NBEA: variants seen among roughly 807,000 people sequenced by gnomAD.
The protein encoded by NBEA is neurobeachin.
A neutral mutation model predicts 343.4 loss-of-function variants in NBEA; 44 were observed. The observed-to-expected ratio is 0.13, with a 90% CI of 0.10 to 0.16. NBEA has a LOEUF of 0.16. Ranked by LOEUF, NBEA falls within the 10% of genes least tolerant of loss-of-function variation. The pLI, the probability that NBEA is intolerant of heterozygous loss-of-function variation, is 1.00. For synonymous variants in NBEA, 1,175 were observed against 1,238.7 expected, an observed-to-expected ratio of 0.95 and a Z score of 1.08; for missense variants, 2,555 against 3,631.3, an observed-to-expected ratio of 0.70 and a Z score of 7.62.
At chr13:35,178,455 A>C (rs866036449) in intron 28 of NBEA, among the ~76,000 whole-genome samples, 3 of 151,854 alleles carry the variant, frequency 2.0e-5, no homozygotes, top group Middle Eastern at 6.8e-3. Flanking sequence ...TTTTTGAAGG[A>C]AATTTAATGA....
Position 35,324,436 on chromosome 13 carries a change from T to C in NBEA, c.5903+14844T>C, listed in dbSNP as rs989270450. 2.0e-5 allele frequency among the ~76,000 whole-genome samples: 3 copies of C among 152,232 alleles called. 1 individual carries two copies. Among genetic ancestry groups the C allele is most frequent in the Non-Finnish European group, 4.4e-5 (3 of 68,032 alleles). ...TATTTCTTCTATAACATGTCTCTTA[T>C]AAAGATCCAGTCCCAGCCAAACAAG... On this transcript the variant is annotated intron_variant, in intron 36 of 58. Transcript: ENST00000379939.
At chr13:35,308,514 G>GTATA (rs1566597467) in intron 35 of NBEA, among the ~76,000 whole-genome samples, 1 of 111,568 alleles carries the variant, frequency 9.0e-6, no homozygotes, top group African/African-American at 3.7e-5. Flanking sequence ...ATATATATGT[G>GTATA]TATATATGTA....
At chr13:35,239,904 C>T (rs1217346332) in intron 34 of NBEA, among the ~76,000 whole-genome samples, 1 of 151,520 alleles carries the variant, frequency 6.6e-6, no homozygotes, top group Non-Finnish European at 1.5e-5. Flanking sequence ...TTTTGTGATA[C>T]CACAAAGCAA....
At chr13:35,256,465 G>A (rs1341222827) in intron 34 of NBEA, among the ~76,000 whole-genome samples, 2 of 152,200 alleles carry the variant, frequency 1.3e-5, no homozygotes, top group Non-Finnish European at 2.9e-5. Context: ...CCAGAACTGA[G>A]AGCCTGGTTC....
chr13:35,209,225 A>T (rs2073603705), intron 32 of NBEA, among the ~76,000 whole-genome samples: 1 of 152,188 alleles, frequency 6.6e-6, no homozygotes, highest in African/African-American at 2.4e-5. Flanking sequence ...AATGTTAGTG[A>T]CAGAAAGTAG....
intron 31 of NBEA, among the ~76,000 whole-genome samples, chr13:35,200,903 T>C (rs1190038955): frequency 6.6e-6 from 1 of 151,986 alleles, no homozygotes; most frequent in Non-Finnish European, 1.5e-5. Context: ...TTTTTAAAAA[T>C]ATTGAGTAGA....
chr13:35,503,408 A>T (rs1213200997), intron 41 of NBEA, among the ~76,000 whole-genome samples: 1 of 151,914 alleles, frequency 6.6e-6, no homozygotes, highest in Non-Finnish European at 1.5e-5. Context: ...CATTATTCAC[A>T]CAAAAATATA....
intron 24 of NBEA, 71 bp from the exon 25 acceptor site, chr13:35,168,916 T>G: frequency 9.3e-7 from 1 of 1,075,226 alleles, no homozygotes; most frequent in Non-Finnish European, 1.3e-6. Flanking sequence ...CATTGTATTT[T>G]CATTTAATTT....
chr13:35,297,283 C>T (rs948665491), intron 35 of NBEA, among the ~76,000 whole-genome samples: 4 of 151,926 alleles, frequency 2.6e-5, no homozygotes, highest in Non-Finnish European at 5.9e-5. Context: ...AGGTTCTAAT[C>T]TCTCCATCAT....
intron 34 of NBEA, among the ~76,000 whole-genome samples, chr13:35,240,583 T>G (rs1461732551): frequency 6.6e-6 from 1 of 151,900 alleles, no homozygotes; most frequent in Non-Finnish European, 1.5e-5. Flanking sequence ...GCAATACAAA[T>G]TGAGTTGGTC....
At chr13:35,604,798 C>T (rs2082215884) in intron 47 of NBEA, among the ~76,000 whole-genome samples, 1 of 152,038 alleles carries the variant, frequency 6.6e-6, no homozygotes, top group Non-Finnish European at 1.5e-5. Context: ...ATATAACTCC[C>T]TGAGGGTGCC....
At chr13:35,093,315 C>A (rs1204208735) in intron 10 of NBEA, among the ~76,000 whole-genome samples, 18 of 141,272 alleles carry the variant, frequency 1.3e-4, no homozygotes, top group African/African-American at 1.5e-4. Context: ...ACTGGTACAC[C>A]AAAAAAAAAA....
intron 1 of NBEA, among the ~76,000 whole-genome samples, chr13:34,974,115 G>T (rs1210736717): frequency 6.6e-6 from 1 of 152,154 alleles, no homozygotes; most frequent in African/African-American, 2.4e-5. Flanking sequence ...GGTGGGGGAG[G>T]TTCCTCCGGC....
In NBEA at chr13:35,074,819, G is replaced by A. The variant is rs576156904; in HGVS notation, c.1571+3967G>A. Among the ~76,000 whole-genome samples the A allele has an allele frequency of 4.6e-4, 70 of 152,178 alleles. 1 individual carries two copies. The South Asian group carries it at 0.014, about 31-fold the overall frequency. ...CACATAGTTACCTATTTTTTGGGGG[G>A]AGGGAAGTGGCTAAAACGTACTAAT... is the stretch of plus-strand genomic sequence containing the variant. On this transcript the variant is annotated intron_variant, in intron 10 of 58. Coordinates refer to ENST00000379939, the MANE Select transcript of NBEA (RefSeq NM_001385012.1).
chr13:35,377,226 T>C (rs1049679340), intron 38 of NBEA, among the ~76,000 whole-genome samples: 1 of 152,078 alleles, frequency 6.6e-6, no homozygotes, highest in Non-Finnish European at 1.5e-5. Context: ...AAAAACAGTA[T>C]TAATCTAATA....
At chr13:35,176,731 G>A (rs891647737) in intron 27 of NBEA, among the ~76,000 whole-genome samples, 4 of 151,908 alleles carry the variant, frequency 2.6e-5, no homozygotes, top group African/African-American at 4.8e-5. Flanking sequence ...AGTCCAAGAC[G>A]AATCTTTATT....
intron 48 of NBEA, among the ~76,000 whole-genome samples, chr13:35,620,718 A>C (rs546057650): frequency 6.6e-6 from 1 of 152,214 alleles, no homozygotes; most frequent in South Asian, 2.1e-4. Flanking sequence ...GCTAGAAGGT[A>C]ATTTGAGAGA....
rs187864690 is a variant in NBEA, at chr13:34,985,956, A to G, written c.294+42842A>G. Among the ~76,000 whole-genome samples, 23 of 150,414 alleles carry G rather than the reference A, an allele frequency of 1.5e-4. 2 individuals carry two copies. Among genetic ancestry groups the G allele is most frequent in the African/African-American group, 5.1e-4 (21 of 41,326 alleles). On this transcript the variant is annotated intron_variant, in intron 1 of 58. Coordinates refer to ENST00000379939, the MANE Select transcript of NBEA (RefSeq NM_001385012.1). The stretch of plus-strand genomic sequence containing the variant: ...TCTTTATTAGTCTTGCTAGCAGTCT[A>G]TCAATTTTGTTGATCTTTTAAAAAA...
intron 1 of NBEA, among the ~76,000 whole-genome samples, chr13:34,998,992 A>G (rs2061032488): frequency 6.6e-6 from 1 of 152,208 alleles, no homozygotes; most frequent in East Asian, 1.9e-4. Context: ...TTGGGGAACT[A>G]CTAAGTGTCC....
Sources: allele counts gnomAD v4.1 joint callset (sites outside exome capture counted in the v4.1 genomes callset), GRCh38; gene constraint gnomAD v4.1.1; transcripts MANE v1.5; gene names NCBI Gene and HGNC (gene_info 2026-07-23, HGNC 2026-07-21).